Variants in SULT2A1 observed in about 807,000 individuals in gnomAD.
SULT2A1 encodes the protein sulfotransferase family 2A member 1, also known as sulfotransferase 2A1.
A neutral mutation model predicts 33.9 loss-of-function variants in SULT2A1; 43 were observed. That is an observed-to-expected ratio of 1.27 (90% CI 1.00 to 1.64). The LOEUF is 1.64. Ranked by LOEUF, SULT2A1 falls within the 40% of genes most tolerant of loss-of-function variation. The pLI is 0.00. For missense variants in SULT2A1, 300 were observed against 335.1 expected (o/e 0.90, Z 0.82); for synonymous variants, 125 against 113.6 (o/e 1.10, Z -0.64).
At chr19:47,878,935 C>T in intron 4 of SULT2A1, 101 bp downstream of exon 4, 1 of 797,152 alleles carries the variant, frequency 1.3e-6, no homozygotes, top group South Asian at 1.5e-5. Flanking sequence ...TCCACTTTAA[C>T]TGAGAGGGTG....
At chr19:47,884,372 G>C (rs1968633950) in intron 1 of SULT2A1, among the ~76,000 whole-genome samples, 1 of 151,100 alleles carries the variant, frequency 6.6e-6, no homozygotes, top group Admixed American at 6.6e-5. Context: ...TAGAGATGGG[G>C]TTTCACCATG....
chr19:47,884,618 T>C (rs2084668917), intron 1 of SULT2A1, among the ~76,000 whole-genome samples: 1 of 151,664 alleles, frequency 6.6e-6, no homozygotes, highest in Non-Finnish European at 1.5e-5. Flanking sequence ...GCCTCGCAAG[T>C]ATCTGAGACC....
intron 3 of SULT2A1, among the ~76,000 whole-genome samples, chr19:47,880,540 A>G (rs955689092): frequency 2.0e-5 from 3 of 151,318 alleles, no homozygotes; most frequent in African/African-American, 7.3e-5. Flanking sequence ...GGTCTCTCTT[A>G]GCAATTGTCA....
intron 5 of SULT2A1, among the ~76,000 whole-genome samples, chr19:47,874,403 G>A (rs2122142604): frequency 1.3e-5 from 2 of 152,250 alleles, no homozygotes; most frequent in Admixed American, 1.3e-4. Flanking sequence ...GCTGGGTGTG[G>A]TGGCGTGTGC....
At chr19:47,872,321 T>C (rs1159348643) in intron 5 of SULT2A1, among the ~76,000 whole-genome samples, 1 of 152,142 alleles carries the variant, frequency 6.6e-6, no homozygotes, top group Non-Finnish European at 1.5e-5. Flanking sequence ...CCGAGGACTC[T>C]AGGTTTCACT....
intron 5 of SULT2A1, among the ~76,000 whole-genome samples, chr19:47,873,872 C>G (rs1395949392): frequency 6.6e-6 from 1 of 151,744 alleles, no homozygotes; most frequent in Non-Finnish European, 1.5e-5. Context: ...ATCCGCCCGC[C>G]TCGGCTTCCC....
At chr19:47,875,182 AAGAC>A (rs1968532013) in intron 4 of SULT2A1, among the ~76,000 whole-genome samples, 1 of 147,574 alleles carries the variant, frequency 6.8e-6, no homozygotes, top group Admixed American at 6.9e-5. Flanking sequence ...AAAAAAAAAA[AAGAC>A]AATAGAAAAA....
At chr19:47,881,981 C>G in intron 3 of SULT2A1, 103 bp downstream of exon 3, 2 of 1,492,122 alleles carry the variant, frequency 1.3e-6, no homozygotes, top group Non-Finnish European at 9.1e-7. Context: ...GGTGGTGGAG[C>G]CTTTCAACCC....
intron 3 of SULT2A1, 35 bp from the exon 4 acceptor site, chr19:47,879,165 A>T (rs1289353099): frequency 1.5e-6 from 2 of 1,297,098 alleles, no homozygotes; most frequent in African/African-American, 2.9e-5. Context: ...ATAGGTTACA[A>T]ATTTTATGAG....
rs190776413 is a variant in SULT2A1 at position 47,874,669 on chromosome 19, G to A, written c.733C>T (p.Leu245Phe). 136 of 1,611,458 alleles carry A rather than the reference G, an allele frequency of 8.4e-5. No homozygotes were observed. In the East Asian group the frequency reaches 2.8e-3, roughly 33 times the overall value. ...GATTTTCTTTTACCTTTTCTCAGAA[G>A]TTGTGCTTTGTCCACTACATAATCA... ...SVDYVVDKAQ[L>F]LRKGVSGDWK... Residue 245 changes from leucine (L) to phenylalanine (F), a missense_variant, in exon 5 of 6, where the codon CTT becomes TTT. Coordinates refer to ENST00000222002, the MANE Select transcript of SULT2A1 (RefSeq NM_003167.4).
Position 47,874,748 on chromosome 19 carries a change from G to A in SULT2A1, c.654C>T (p.Ser218=), listed in dbSNP as rs760673096. 6.8e-6 allele frequency: 11 copies of A among 1,613,744 alleles called. No individual in the cohort carries two copies. The African/African-American group carries it at 1.5e-4, about 22-fold the overall frequency. Residue 218 remains serine (S), a synonymous_variant, in exon 5 of 6, where the codon AGC becomes AGT. Transcript: ENST00000222002. ...PEELNLILKN[S]SFQSMKENKM... ...TGTTTTCTTTCATGCTCTGAAAGGA[G>A]CTGTTCTTGAGAATTAAGTTCAGTT...
chr19:47,878,316 T>G (rs1461975011), intron 4 of SULT2A1, among the ~76,000 whole-genome samples: 2 of 151,976 alleles, frequency 1.3e-5, no homozygotes, highest in Non-Finnish European at 2.9e-5. Flanking sequence ...TAGCTGGAAT[T>G]AGAGGTGTGC....
At chr19:47,874,405 G>T (rs1018492123) in intron 5 of SULT2A1, among the ~76,000 whole-genome samples, 8 of 152,082 alleles carry the variant, frequency 5.3e-5, no homozygotes, top group Non-Finnish European at 2.9e-5. Context: ...TGGGTGTGGT[G>T]GCGTGTGCCT....
intron 5 of SULT2A1, among the ~76,000 whole-genome samples, chr19:47,873,684 C>G (rs296363): frequency 0.8 from 112,115 of 140,914 alleles, 44,528 homozygotes; most frequent in East Asian, 0.93. Flanking sequence ...AGTGCAGTGG[C>G]ACGATCTTGG....
chr19:47,886,057 A>C (rs1168998129), intron 1 of SULT2A1, 65 bp downstream of exon 1: 36 of 1,572,418 alleles, frequency 2.3e-5, no homozygotes, highest in Non-Finnish European at 2.7e-5. Flanking sequence ...AAGAACTCCA[A>C]TCATGCACTG....
At chr19:47,874,932 C>T (rs960946880) in intron 4 of SULT2A1, 98 bp from the exon 5 acceptor site, 32 of 1,072,586 alleles carry the variant, frequency 3.0e-5, no homozygotes, top group East Asian at 2.7e-4. Context: ...GAGGCTGAGG[C>T]GGTTGGATCA....
intron 3 of SULT2A1, among the ~76,000 whole-genome samples, chr19:47,880,346 A>G (rs1428505295): frequency 6.6e-6 from 1 of 151,472 alleles, no homozygotes; most frequent in Non-Finnish European, 1.5e-5. Flanking sequence ...AACCACTACT[A>G]TGATCCAATC....
At chr19:47,879,762 C>A (rs1381277353) in intron 3 of SULT2A1, among the ~76,000 whole-genome samples, 1 of 124,480 alleles carries the variant, frequency 8.0e-6, no homozygotes, top group Non-Finnish European at 1.6e-5. Context: ...GGGAACATCA[C>A]ACACCGGGGC....
At position 47,871,575 on chromosome 19, in the gene SULT2A1, C is replaced by G; in HGVS notation, c.746-8G>C. The G allele has an allele frequency of 1.3e-6, 2 of 1,598,384 alleles. No homozygotes were observed. The highest frequency in any genetic ancestry group is 1.7e-6 in the Non-Finnish European group (2 of 1,165,834). On this transcript the variant is annotated splice_polypyrimidine_tract_variant and splice_region_variant and intron_variant, in intron 5 of 5. Transcript: ENST00000222002. ...TCCAGTCCCCAGATACACCTGGAAA[C>G]AAGAAGCAGAAACTCAGGTCAGACC...
Sources: gnomAD v4.1 joint callset for allele counts (sites outside exome capture counted in the v4.1 genomes callset) on GRCh38, gnomAD v4.1.1 for gene constraint, MANE v1.5 for transcripts, NCBI Gene and HGNC (gene_info 2026-07-23, HGNC 2026-07-21) for gene names.